TRIP11: variants seen among roughly 807,000 people sequenced by gnomAD.
TRIP11 encodes the protein thyroid hormone receptor interactor 11, also known as thyroid receptor-interacting protein 11.
A neutral mutation model predicts 223.1 loss-of-function variants in TRIP11; 148 were observed. The ratio of observed to expected loss-of-function variants is 0.66; its 90% CI spans 0.58 to 0.76. The LOEUF is 0.76. Ranked by LOEUF, TRIP11 falls within the 30% of genes least tolerant of loss-of-function variation. TRIP11 has a pLI of 0.00. For synonymous variants in TRIP11, 762 were observed against 772.6 expected, an observed-to-expected ratio of 0.99 and a Z score of 0.23; for missense variants, 2,043 against 2,222.0, an observed-to-expected ratio of 0.92 and a Z score of 1.62.
rs1223646255 is a variant in TRIP11, at chr14:92,017,728, T to C, written c.611A>G (p.Asp204Gly). 6.8e-6 allele frequency: 11 copies of C among 1,612,952 alleles called. No individual in the cohort carries two copies. Among genetic ancestry groups the C allele is most frequent in the African/African-American group, 1.3e-5 (1 of 74,922 alleles). Residue 204 changes from aspartate to glycine, a missense_variant, in exon 5 of 21, where the codon GAT (aspartate) becomes GGT (glycine). By Grantham distance (94) the Asp-to-Gly change is moderately conservative. Coordinates refer to ENST00000267622, the MANE Select transcript of TRIP11 (RefSeq NM_004239.4). ...IAQTSKAQGT[D>G]NSDQSEICKL... ...ACATATTTCACTTTGATCAGAGTTA[T>C]CTGTTCCTTGTGCTTTGGAAGTCTA...
At chr14:92,025,515 C>T (rs185931289) in intron 2 of TRIP11, 95 bp from the exon 3 acceptor site, 9 of 812,790 alleles carry the variant, frequency 1.1e-5, no homozygotes, top group African/African-American at 5.3e-5. Flanking sequence ...GCTTTCCCCC[C>T]CCAAAAATGT....
At chr14:92,025,249 T>TA (rs2057166592) in intron 3 of TRIP11, 61 bp downstream of exon 3, 1 of 1,291,474 alleles carries the variant, frequency 7.7e-7, no homozygotes, top group Non-Finnish European at 1.1e-6. Context: ...ATTCTAACTC[T>TA]AAAAACATAC....
At position 92,005,294 on chromosome 14, in the gene TRIP11, T is replaced by A; in HGVS notation, c.2682A>T (p.Leu894=). Residue 894 remains leucine, a synonymous_variant, in exon 11 of 21, where the codon CTA becomes CTT. Transcript: ENST00000267622. The part of the protein sequence containing the change: ...DPKTLDSVTE[L]ASEVSQLNTI... ...TGTTCAGTTGAGATACCTCAGATGC[T>A]AGTTCAGTAACACTATCAAGGGTTT... 6.2e-6 allele frequency: 10 copies of A among 1,614,084 alleles called. No individual in the cohort carries two copies. Among genetic ancestry groups the A allele is most frequent in the Non-Finnish European group, 8.5e-6 (10 of 1,179,980 alleles).
rs550137986 is a variant in TRIP11 at position 91,974,731 on chromosome 14, C to T, written c.5470G>A (p.Asp1824Asn). The T allele has an allele frequency of 9.9e-6, 16 of 1,611,356 alleles. 1 individual carries two copies. The highest frequency in any genetic ancestry group is 6.7e-5 in the East Asian group (3 of 44,788). The change falls in exon 19 of 21, where the codon GAT becomes AAT. Residue 1824 changes from aspartate (D) to asparagine (N), a missense_variant. Physicochemically the swap from Asp to Asn is conservative, Grantham distance 23. Transcript: ENST00000267622. ...REEMEQLFHDDQGGVTRWMTG... is the reference protein window; with the variant it reads ...REEMEQLFHDNQGGVTRWMTG... ...ATCCACCTGGTAACACCGCCCTGATCGTCATGAAACAACTGAAAGATTATT... is the reference window on the plus strand; with the variant it reads ...ATCCACCTGGTAACACCGCCCTGATTGTCATGAAACAACTGAAAGATTATT...
chr14:92,021,750 G>T lies in TRIP11; in HGVS notation c.394C>A (p.Pro132Thr), dbSNP rs2057117778. The change falls in exon 4 of 21, where the codon CCT (proline) becomes ACT (threonine). Residue 132 changes from proline to threonine, a missense_variant. Transcript: ENST00000267622. ...LKLQSAAQSV[P>T]SGAGVPATTA... ...GTTGCTGGTACACCAGCTCCTGAAG[G>T]TACTGACTGAGCAGCTGACTGCAGT... is the stretch of plus-strand genomic sequence containing the variant. 3.1e-6 allele frequency: 5 copies of T among 1,614,164 alleles called. No homozygotes were observed. Among genetic ancestry groups the T allele is most frequent in the Non-Finnish European group, 4.2e-6 (5 of 1,180,022 alleles).
In TRIP11 at chr14:91,968,630, C is replaced by T; in HGVS notation, c.*1043G>A. ...TTAAGATGGTATCTTTAAATAGATA[C>T]CTTAGCTGTTAAAACTAAGTGATAT... On this transcript the variant is annotated 3_prime_UTR_variant, in exon 21 of 21. Coordinates refer to ENST00000267622, the MANE Select transcript of TRIP11 (RefSeq NM_004239.4). The T allele has an allele frequency of 4.5e-6, 1 of 222,890 alleles. No homozygotes were observed. The highest frequency in any genetic ancestry group is 9.0e-6 in the Non-Finnish European group (1 of 111,006). The allele number at this position is 222,890 out of a possible 1,614,324, so 13.8% of individuals were successfully genotyped here.
chr14:91,981,928 A>C (rs1325616014), intron 16 of TRIP11, among the ~76,000 whole-genome samples: 1 of 152,002 alleles, frequency 6.6e-6, no homozygotes, highest in Non-Finnish European at 1.5e-5. Flanking sequence ...CAGCCTGAGC[A>C]ACATAGACAA....
At chr14:92,012,712 G>C (rs528819840) in intron 7 of TRIP11, among the ~76,000 whole-genome samples, 1 of 152,278 alleles carries the variant, frequency 6.6e-6, no homozygotes, top group South Asian at 2.1e-4. Context: ...GCTGCTTTAA[G>C]GAGCTATAGA....
Position 92,003,758 on chromosome 14 carries a change from T to C in TRIP11, c.4218A>G (p.Gln1406=), listed in dbSNP as rs2056858544. 2 of 1,614,098 alleles carry C rather than the reference T, an allele frequency of 1.2e-6. No individual in the cohort carries two copies. Among genetic ancestry groups the C allele is most frequent in the African/African-American group, 1.3e-5 (1 of 74,944 alleles). ...KQLKEKQDVL[Q]KLLKEKDLLI... ...AGAGGTCTTTTTCCTTAAGTAACTT[T>C]TGCAAAACATCTTGTTTCTCCTTTA... is the stretch of plus-strand genomic sequence containing the variant. Residue 1406 remains glutamine, a synonymous_variant, in exon 11 of 21, where the codon CAA becomes CAG. Coordinates refer to ENST00000267622, the MANE Select transcript of TRIP11 (RefSeq NM_004239.4).
chr14:91,981,138 C>T lies in TRIP11; in HGVS notation c.5261-4949G>A, dbSNP rs971706937. On this transcript the variant is annotated intron_variant, in intron 16 of 20. Coordinates refer to ENST00000267622, the MANE Select transcript of TRIP11 (RefSeq NM_004239.4). ...TCAAGCAATTCTCCTGCCTCGGTCTCGCGAGTAGCTGGGATAACAAGCGCC... is the reference window on the plus strand; with the variant it reads ...TCAAGCAATTCTCCTGCCTCGGTCTTGCGAGTAGCTGGGATAACAAGCGCC... Among the ~76,000 whole-genome samples the T allele has an allele frequency of 5.8e-4, 86 of 148,472 alleles. 1 individual carries two copies. Among genetic ancestry groups the T allele is most frequent in the African/African-American group, 1.8e-3 (73 of 40,274 alleles).
chr14:91,991,038 T>C (rs937569739), intron 15 of TRIP11, among the ~76,000 whole-genome samples: 3 of 152,232 alleles, frequency 2.0e-5, no homozygotes, highest in African/African-American at 7.2e-5. Flanking sequence ...ACAGCCCTTC[T>C]GCTATGGCTT....
At position 92,021,635 on chromosome 14, in the gene TRIP11, G is replaced by GT; in HGVS notation, c.508_509insA (p.Ser170TyrfsTer11). ...TGAGAGTCGGTTTATTTCTTGTTGG[G>GT]ATGAAATTATATCACCAAAGTCCAT... On this transcript the variant is annotated frameshift_variant, in exon 4 of 21. Transcript: ENST00000267622. LOFTEE classifies it high-confidence loss of function. The GT allele has an allele frequency of 6.2e-7, 1 of 1,614,092 alleles. No homozygotes were observed. Among genetic ancestry groups the GT allele is most frequent in the Non-Finnish European group, 8.5e-7 (1 of 1,180,022 alleles).
intron 19 of TRIP11, among the ~76,000 whole-genome samples, chr14:91,973,514 A>C (rs1242157462): frequency 1.3e-5 from 2 of 152,214 alleles, no homozygotes; most frequent in Admixed American, 1.3e-4. Flanking sequence ...ACACAAACAT[A>C]AAAAATTATA....
At chr14:92,031,755 T>G (rs1270495153) in intron 2 of TRIP11, among the ~76,000 whole-genome samples, 1 of 152,248 alleles carries the variant, frequency 6.6e-6, no homozygotes, top group Non-Finnish European at 1.5e-5. Flanking sequence ...TCTTTATGCT[T>G]TCAAAACCAG....
Position 92,006,204 on chromosome 14 carries a change from T to C in TRIP11, c.1772A>G (p.Gln591Arg), listed in dbSNP as rs557630895. Reference protein sequence around the residue: ...LEDKVENLVDQLNKSQESNVS... With the variant: ...LEDKVENLVDRLNKSQESNVS... ...ATTACTTTCTTGTGATTTATTTAGC[T>C]GATCTACTAAATTTTCTACTTTGTC... Residue 591 changes from glutamine to arginine, a missense_variant, in exon 11 of 21, where the codon CAG becomes CGG. Gln to Arg is a conservative substitution (Grantham distance 43). Coordinates refer to ENST00000267622, the MANE Select transcript of TRIP11 (RefSeq NM_004239.4). 1 of 1,613,392 alleles carries C rather than the reference T, an allele frequency of 6.2e-7. No individual in the cohort carries two copies. The highest frequency in any genetic ancestry group is 1.1e-5 in the South Asian group (1 of 90,982).
intron 14 of TRIP11, among the ~76,000 whole-genome samples, chr14:91,994,658 T>A (rs2056725368): frequency 6.6e-6 from 1 of 152,164 alleles, no homozygotes; most frequent in Admixed American, 6.5e-5. Flanking sequence ...CATTCTCATA[T>A]CCCCTAATCA....
chr14:92,025,709 T>C (rs1434542690), intron 2 of TRIP11, among the ~76,000 whole-genome samples: 2 of 151,918 alleles, frequency 1.3e-5, no homozygotes, highest in Admixed American at 1.3e-4. Context: ...AAACCCCATC[T>C]CTACTAAAAT....
At chr14:92,008,272 C>G (rs1448045674) in intron 9 of TRIP11, among the ~76,000 whole-genome samples, 1 of 152,164 alleles carries the variant, frequency 6.6e-6, no homozygotes, top group African/African-American at 2.4e-5. Flanking sequence ...CTCTAACATC[C>G]AGTCATCAAC....
chr14:92,025,284 T>C (rs1298752506), intron 3 of TRIP11, 26 bp downstream of exon 3: 11 of 1,500,166 alleles, frequency 7.3e-6, no homozygotes, highest in Non-Finnish European at 8.4e-6. Context: ...GTGAAGTACA[T>C]ATGAAGTAAC....
Sources: allele counts gnomAD v4.1 joint callset (sites outside exome capture counted in the v4.1 genomes callset), GRCh38; gene constraint gnomAD v4.1.1; transcripts MANE v1.5; gene names NCBI Gene and HGNC (gene_info 2026-07-23, HGNC 2026-07-21).